The following SLIT1 variants were observed in gnomAD, a reference collection of about 807,000 sequenced individuals.
SLIT1 encodes the protein slit guidance ligand 1.
In SLIT1, 66 loss-of-function variants were observed where a neutral mutation model predicts 186.1. That is an observed-to-expected ratio of 0.35 (90% CI 0.29 to 0.44). The LOEUF (loss-of-function observed/expected upper bound fraction) is 0.44, where lower values mean the gene tolerates loss of function less well. SLIT1 is among the 20% of genes least tolerant of loss of function. SLIT1 has a pLI of 1.00. For missense variants in SLIT1, 1,638 were observed against 2,037.4 expected (o/e 0.80, Z 3.77); for synonymous variants, 761 against 833.8 (o/e 0.91, Z 1.50).
chr10:97,137,445 G>GT (rs1270453866), intron 4 of SLIT1, among the ~76,000 whole-genome samples: 2 of 152,238 alleles, frequency 1.3e-5, no homozygotes, highest in Non-Finnish European at 2.9e-5. Context: ...TGCTGGAAAT[G>GT]TAATTGTTTT....
At chr10:97,125,533 CA>C (rs34143370) in intron 4 of SLIT1, among the ~76,000 whole-genome samples, 26,724 of 115,258 alleles carry the variant, frequency 0.23, 2,678 homozygotes, top group African/African-American at 0.35. Context: ...GACCCTGTGT[CA>C]AAAAAAAAAA....
At position 97,022,386 on chromosome 10, in the gene SLIT1, G is replaced by A. The variant is rs184017351; in HGVS notation, c.2583-973C>T. Reference sequence around the variant, plus strand: ...TGCAGACAAAGCAAGTGTCTGCCCTGCACAACACTGTGAATGATTAAATGC... The same window carrying A: ...TGCAGACAAAGCAAGTGTCTGCCCTACACAACACTGTGAATGATTAAATGC... On this transcript the variant is annotated intron_variant, in intron 25 of 36. Transcript: ENST00000266058. The surrounding 1 kb of genome is among the most constrained non-coding windows in gnomAD (Gnocchi z 4.2). 6.6e-6 allele frequency among the ~76,000 whole-genome samples: 1 copy of A among 152,276 alleles called. No individual in the cohort carries two copies. Among genetic ancestry groups the A allele is most frequent in the East Asian group, 1.9e-4 (1 of 5,190 alleles).
chr10:97,052,987 G>A (rs1299329637), intron 13 of SLIT1, among the ~76,000 whole-genome samples: 2 of 152,108 alleles, frequency 1.3e-5, no homozygotes, highest in African/African-American at 4.8e-5. Flanking sequence ...ACAATTAAAG[G>A]GGCAGCTAAG....
intron 4 of SLIT1, among the ~76,000 whole-genome samples, chr10:97,129,256 G>A (rs1251553476): frequency 2.6e-5 from 4 of 152,012 alleles, no homozygotes; most frequent in African/African-American, 9.7e-5. Context: ...ACAAAAATTA[G>A]TCGGGTGTGG....
rs760065918 is a variant in SLIT1 at position 97,002,380 on chromosome 10, C to T, written c.4155-11G>A. 7.0e-6 allele frequency: 11 copies of T among 1,581,816 alleles called. No homozygotes were observed. The highest frequency in any genetic ancestry group is 9.4e-6 in the Non-Finnish European group (11 of 1,164,360). On this transcript the variant is annotated splice_polypyrimidine_tract_variant and intron_variant, in intron 35 of 36. Coordinates refer to ENST00000266058, the MANE Select transcript of SLIT1 (RefSeq NM_003061.3). ...TGCCCATGGACACACCTGGAGGAGA[C>T]AGAGAAAAGGCGCTGTGAGGACAAA...
intron 4 of SLIT1, among the ~76,000 whole-genome samples, chr10:97,118,155 A>G (rs1443101332): frequency 6.6e-6 from 1 of 152,240 alleles, no homozygotes; most frequent in African/African-American, 2.4e-5. Context: ...TGAATATCAC[A>G]TAATACTCAG....
In SLIT1 at chr10:97,101,514, G is replaced by C. The variant is rs12569516; in HGVS notation, c.414-35428C>G. 5.2e-3 allele frequency: 795 copies of C among 152,376 alleles called. 30 individuals carry two copies. In the East Asian group the frequency reaches 0.099, roughly 19 times the overall value. The allele number at this position is 152,376 out of a possible 1,614,324, so 9.4% of individuals were successfully genotyped here. Reference sequence around the variant, plus strand: ...TGACAAGAAAGCCCAGAGAGGTCAAGTGCCTTCTCTGGACTCACGCAGCTT... The same window carrying C: ...TGACAAGAAAGCCCAGAGAGGTCAACTGCCTTCTCTGGACTCACGCAGCTT... On this transcript the variant is annotated intron_variant, in intron 4 of 36. Transcript: ENST00000266058.
At chr10:97,143,666 G>A (rs757990979) in intron 4 of SLIT1, among the ~76,000 whole-genome samples, 5 of 152,034 alleles carry the variant, frequency 3.3e-5, no homozygotes, top group Non-Finnish European at 7.4e-5. Context: ...CCTAGAACTG[G>A]AAAAAAAGGA....
At chr10:97,020,687 C>T (rs1589365226) in intron 26 of SLIT1, among the ~76,000 whole-genome samples, 1 of 152,272 alleles carries the variant, frequency 6.6e-6, no homozygotes, top group South Asian at 2.1e-4. Flanking sequence ...ACATAAAGCC[C>T]GGCCCCGGCG....
intron 13 of SLIT1, among the ~76,000 whole-genome samples, chr10:97,053,875 C>A (rs1249817194): frequency 6.6e-6 from 1 of 152,118 alleles, no homozygotes; most frequent in Admixed American, 6.5e-5. Context: ...TTTGGATGTT[C>A]GTCCCCACCA....
At position 97,046,547 on chromosome 10, in the gene SLIT1, C is replaced by A. The variant is rs1049413577; in HGVS notation, c.1853+107G>T. 44 of 1,180,676 alleles carry A rather than the reference C, an allele frequency of 3.7e-5. No homozygotes were observed. In the South Asian group the frequency reaches 6.5e-4, roughly 17 times the overall value. The allele number at this position is 1,180,676 out of a possible 1,614,324, so 73.1% of individuals were successfully genotyped here. A position where few individuals can be genotyped will look rare whatever the true frequency, so the allele number is the denominator to read the frequency against. Reference sequence around the variant, plus strand: ...ATCCTCAGTTCTCCCCACCCTCCTGCAAGCTGGGCCCAGGGGAGGGGCTCC... The same window carrying A: ...ATCCTCAGTTCTCCCCACCCTCCTGAAAGCTGGGCCCAGGGGAGGGGCTCC... On this transcript the variant is annotated intron_variant, in intron 18 of 36. Transcript: ENST00000266058.
intron 35 of SLIT1, 74 bp from the exon 36 acceptor site, chr10:97,002,443 G>T: frequency 8.4e-7 from 1 of 1,187,802 alleles, no homozygotes; most frequent in Non-Finnish European, 1.2e-6. Flanking sequence ...CGCCCCACCT[G>T]ACACAGCCCA....
chr10:97,035,876 C>A (rs962366992), intron 22 of SLIT1, among the ~76,000 whole-genome samples: 2 of 152,198 alleles, frequency 1.3e-5, no homozygotes, highest in African/African-American at 4.8e-5. Flanking sequence ...TTCCCTCTGC[C>A]CACCAATGAA....
At chr10:97,127,817 T>C (rs904324011) in intron 4 of SLIT1, among the ~76,000 whole-genome samples, 1 of 152,210 alleles carries the variant, frequency 6.6e-6, no homozygotes, top group Non-Finnish European at 1.5e-5. Context: ...AGGGAACTCC[T>C]GCCACCTCTT....
intron 4 of SLIT1, among the ~76,000 whole-genome samples, chr10:97,110,541 AAT>A (rs1361873672): frequency 2.0e-5 from 3 of 152,274 alleles, no homozygotes; most frequent in Admixed American, 6.5e-5. Context: ...AGTCCAAAAA[AAT>A]AAAAAATAAA....
At chr10:97,064,064 T>G in intron 7 of SLIT1, 104 bp downstream of exon 7, 28 of 933,576 alleles carry the variant, frequency 3.0e-5, no homozygotes, top group Non-Finnish European at 4.1e-5. Flanking sequence ...TGAGGGAGAA[T>G]GAGCTCCATG....
chr10:97,066,487 G>A (rs972394170), intron 4 of SLIT1, among the ~76,000 whole-genome samples: 1 of 152,148 alleles, frequency 6.6e-6, no homozygotes, highest in African/African-American at 2.4e-5. Flanking sequence ...GGGCCTGGTG[G>A]GAGGTGATCT....
rs2134608613 is a variant in SLIT1, at chr10:97,030,668, C to T, written c.2582+89G>A. 3.6e-6 allele frequency: 4 copies of T among 1,098,682 alleles called. No homozygotes were observed. The South Asian group carries it at 5.2e-5, about 14-fold the overall frequency. 68.1% of individuals were successfully genotyped at this position (1,098,682 alleles called of 1,614,324 possible). A position where few individuals can be genotyped will look rare whatever the true frequency, so the allele number is the denominator to read the frequency against. ...TTAATTTCAGAGTAAAAGCAACAAA[C>T]TCTGACAATCTCAGGAGGTGGGATC... On this transcript the variant is annotated intron_variant, in intron 25 of 36. Transcript: ENST00000266058.
intron 4 of SLIT1, among the ~76,000 whole-genome samples, chr10:97,144,976 T>C (rs1489875117): frequency 2.0e-5 from 3 of 152,100 alleles, no homozygotes; most frequent in East Asian, 3.9e-4. Context: ...AGATAATCAG[T>C]ACCCAGGATC....
Sources: gnomAD v4.1 joint callset for allele counts (sites outside exome capture counted in the v4.1 genomes callset) on GRCh38, gnomAD v4.1.1 for gene constraint, Gnocchi (gnomAD v3.1) non-coding constraint, MANE v1.5 for transcripts, NCBI Gene and HGNC (gene_info 2026-07-23, HGNC 2026-07-21) for gene names.